The following PCDH11X variants were observed in gnomAD, a reference collection of about 807,000 sequenced individuals.
PCDH11X encodes the protein protocadherin 11 X-linked.
In PCDH11X, 18 loss-of-function variants were observed where a neutral mutation model predicts 53.3. That is an observed-to-expected ratio of 0.34 (90% CI 0.23 to 0.50). The LOEUF (loss-of-function observed/expected upper bound fraction) is 0.50, where lower values mean the gene tolerates loss of function less well. Ranked by LOEUF, PCDH11X falls within the 20% of genes least tolerant of loss-of-function variation. The pLI is 0.98. For synonymous variants in PCDH11X, 279 were observed against 393.3 expected (o/e 0.71, Z 3.44); for missense variants, 570 against 1,032.4 (o/e 0.55, Z 6.14).
At chrX:92,431,243 T>C in intron 9 of PCDH11X, among the ~76,000 whole-genome samples, 1 of 110,821 alleles carries the variant, frequency 9.0e-6, no homozygotes. Flanking sequence ...TGTGTGGTAG[T>C]AGTAATACAT....
intron 6 of PCDH11X, among the ~76,000 whole-genome samples, chrX:91,981,806 G>A (rs1229653116): frequency 9.5e-6 from 1 of 105,434 alleles, no homozygotes; most frequent in Admixed American, 1.0e-4. Flanking sequence ...TTTTTTTTAG[G>A]TTTCAATATT....
At chrX:92,380,650 T>G (rs2070855616) in intron 8 of PCDH11X, among the ~76,000 whole-genome samples, 2 of 111,828 alleles carry the variant, frequency 1.8e-5, no homozygotes, top group African/African-American at 6.5e-5. Context: ...AAAAGTAGTG[T>G]TACAAAAGGT....
intron 6 of PCDH11X, among the ~76,000 whole-genome samples, chrX:91,906,499 A>G (rs772825718): frequency 9.1e-6 from 1 of 109,969 alleles, no homozygotes; most frequent in South Asian, 3.9e-4. Context: ...GGAGGTCAGA[A>G]TCTATCCTAA....
intron 6 of PCDH11X, among the ~76,000 whole-genome samples, chrX:92,057,029 G>A (rs181653073): frequency 2.6e-3 from 290 of 110,910 alleles, no homozygotes; most frequent in African/African-American, 9.3e-3. Context: ...GCAATAAAGC[G>A]AGTCCTCAAA....
At chrX:91,947,855 C>T (rs1338968637) in intron 6 of PCDH11X, among the ~76,000 whole-genome samples, 4 of 103,011 alleles carry the variant, frequency 3.9e-5, no homozygotes, top group Middle Eastern at 5.1e-3. Flanking sequence ...ACCCAAATTT[C>T]TGGAAATCAG....
At chrX:92,543,675 G>A (rs1012068410) in intron 10 of PCDH11X, among the ~76,000 whole-genome samples, 30 of 110,202 alleles carry the variant, frequency 2.7e-4, no homozygotes, top group Non-Finnish European at 4.4e-4. Context: ...AGCTGAGGGA[G>A]GCTGAGGCAG....
intron 4 of PCDH11X, among the ~76,000 whole-genome samples, chrX:91,812,753 A>G (rs1021525161): frequency 9.0e-6 from 1 of 110,647 alleles, no homozygotes; most frequent in Non-Finnish European, 1.9e-5. Flanking sequence ...ATCCTTTCCA[A>G]GTTTTCTCTG....
chrX:91,941,297 T>C (rs1465435865), intron 6 of PCDH11X, among the ~76,000 whole-genome samples: 1 of 111,672 alleles, frequency 9.0e-6, no homozygotes, highest in African/African-American at 3.2e-5. Flanking sequence ...TCATCAGGTT[T>C]GATAAAAATA....
At chrX:92,070,556 G>A (rs2063685165) in intron 6 of PCDH11X, among the ~76,000 whole-genome samples, 1 of 111,293 alleles carries the variant, frequency 9.0e-6, no homozygotes, top group Non-Finnish European at 1.9e-5. Flanking sequence ...TTCAATGTAT[G>A]TTATTTGTTT....
intron 9 of PCDH11X, among the ~76,000 whole-genome samples, chrX:92,435,819 A>T (rs2072356773): frequency 9.0e-6 from 1 of 111,338 alleles, no homozygotes; most frequent in Non-Finnish European, 1.9e-5. Context: ...GACTGCTACC[A>T]GCCTATATAA....
Position 92,439,454 on chromosome X carries a change from C to T in PCDH11X, c.3344-28845C>T, listed in dbSNP as rs144945526. Among the ~76,000 whole-genome samples the T allele has an allele frequency of 6.8e-3, 755 of 110,627 alleles. 7 individuals are homozygous for T. The highest frequency in any genetic ancestry group is 0.023 in the African/African-American group (688 of 30,499). On this transcript the variant is annotated intron_variant, in intron 9 of 10. Transcript: ENST00000682573. Reference sequence around the variant, plus strand: ...CCATGTAATGAATGACCAAACCATGCGGCTATTCTGGATGGCTGTGGATCA... The same window carrying T: ...CCATGTAATGAATGACCAAACCATGTGGCTATTCTGGATGGCTGTGGATCA...
intron 8 of PCDH11X, among the ~76,000 whole-genome samples, chrX:92,342,813 T>C (rs1028921411): frequency 5.4e-5 from 6 of 110,893 alleles, no homozygotes; most frequent in East Asian, 2.8e-4. Flanking sequence ...TATACCTTGG[T>C]AGGAAACCTG....
chrX:92,215,723 G>T, intron 7 of PCDH11X, among the ~76,000 whole-genome samples: 1 of 104,144 alleles, frequency 9.6e-6, no homozygotes, highest in Non-Finnish European at 2.0e-5. Context: ...CATGCAGCTG[G>T]AGATCTGAGA....
intron 7 of PCDH11X, among the ~76,000 whole-genome samples, chrX:92,242,097 C>CAA (rs201713655): frequency 2.0e-5 from 2 of 101,264 alleles, no homozygotes; most frequent in African/African-American, 3.6e-5. Flanking sequence ...ACCTCCATCT[C>CAA]AAAAAAAAAA....
chrX:92,472,763 G>C (rs1308550981), intron 10 of PCDH11X, among the ~76,000 whole-genome samples: 1 of 111,268 alleles, frequency 9.0e-6, no homozygotes, highest in Non-Finnish European at 1.9e-5. Flanking sequence ...AGCATAAAAT[G>C]TTTTTCCATT....
At chrX:92,552,993 T>TTGTGTGTGTGTG (rs2074984362) in intron 10 of PCDH11X, among the ~76,000 whole-genome samples, 1 of 54,048 alleles carries the variant, frequency 1.9e-5, no homozygotes, top group South Asian at 1.1e-3. Context: ...CCTGCAATTT[T>TTGTGTGTGTGTG]CGTGTGTGTG....
At chrX:92,323,838 T>C (rs2148496013) in intron 8 of PCDH11X, among the ~76,000 whole-genome samples, 1 of 111,519 alleles carries the variant, frequency 9.0e-6, no homozygotes, top group East Asian at 2.8e-4. Context: ...TTTCTCTCTG[T>C]TTCAACAATG....
intron 6 of PCDH11X, among the ~76,000 whole-genome samples, chrX:91,962,986 A>C (rs1459860466): frequency 1.8e-5 from 2 of 111,098 alleles, no homozygotes; most frequent in Non-Finnish European, 3.8e-5. Context: ...CAGCCAAAAA[A>C]AAAACATTTT....
rs770530510 is a variant in PCDH11X at position 91,825,643 on chromosome X, G to A, written c.-44-9818G>A. ...GCAGAAATCACCTGTCTTCTGCGTC[G>A]CTCAGGCTGGGAGCTGTAGACCGGA... On this transcript the variant is annotated intron_variant, in intron 4 of 10. Coordinates refer to ENST00000682573, the MANE Select transcript of PCDH11X (RefSeq NM_032968.5). Among the ~76,000 whole-genome samples the A allele has an allele frequency of 4.2e-3, 464 of 109,841 alleles. 2 individuals are homozygous for A. The highest frequency in any genetic ancestry group is 0.015 in the African/African-American group (441 of 29,126).
Sources: allele counts gnomAD v4.1 joint callset (sites outside exome capture counted in the v4.1 genomes callset), GRCh38; gene constraint gnomAD v4.1.1; transcripts MANE v1.5; gene names NCBI Gene and HGNC (gene_info 2026-07-23, HGNC 2026-07-21).